BORCS5: variants seen among roughly 807,000 people sequenced by gnomAD.
The protein encoded by BORCS5 is BLOC-1-related complex subunit 5.
A neutral mutation model predicts 22.1 loss-of-function variants in BORCS5; 17 were observed. That is an observed-to-expected ratio of 0.77 (90% CI 0.53 to 1.15). The LOEUF (loss-of-function observed/expected upper bound fraction) is 1.15, where lower values mean the gene tolerates loss of function less well. BORCS5 is among the 50% of genes most tolerant of loss of function. The pLI is 0.00. For missense variants in BORCS5, 247 were observed against 253.2 expected (o/e 0.98, Z 0.17); for synonymous variants, 117 against 99.8 (o/e 1.17, Z -1.03).
intron 3 of BORCS5, among the ~76,000 whole-genome samples, chr12:12,453,041 G>A (rs1192383648): frequency 6.6e-6 from 1 of 152,204 alleles, no homozygotes; most frequent in Non-Finnish European, 1.5e-5. Context: ...AATCGGGATA[G>A]CCGATGTATA....
rs1272389654 is a variant in BORCS5, at chr12:12,382,691, CCTGT to C, written c.202+21345_202+21348del. ...GGGATTACAGGCGCGTGCCAGCATG[CCTGT>C]CTAATTTTTGTATTTTTAGTAGAGA... On this transcript the variant is annotated intron_variant, in intron 2 of 3. Transcript: ENST00000314565. Among the ~76,000 whole-genome samples, 8 of 151,120 alleles carry C rather than the reference CCTGT, an allele frequency of 5.3e-5. No individual in the cohort carries two copies. The South Asian group carries it at 6.3e-4, about 12-fold the overall frequency.
intron 2 of BORCS5, among the ~76,000 whole-genome samples, chr12:12,417,537 A>G (rs1256284586): frequency 2.0e-5 from 3 of 152,122 alleles, no homozygotes; most frequent in African/African-American, 4.8e-5. Flanking sequence ...GGTTCTAGTC[A>G]TTATTGTGAG....
At chr12:12,443,121 C>G (rs1942717864) in intron 3 of BORCS5, among the ~76,000 whole-genome samples, 1 of 152,208 alleles carries the variant, frequency 6.6e-6, no homozygotes, top group African/African-American at 2.4e-5. Flanking sequence ...TGCTATCGCC[C>G]TGACACTGTG....
chr12:12,454,108 C>CT (rs1268803345), intron 3 of BORCS5, among the ~76,000 whole-genome samples: 13 of 152,184 alleles, frequency 8.5e-5, no homozygotes, highest in Non-Finnish European at 1.0e-4. Flanking sequence ...GTTGTGTCTA[C>CT]TTTTTGCCTA....
intron 2 of BORCS5, among the ~76,000 whole-genome samples, chr12:12,380,215 GT>G (rs1196861627): frequency 6.6e-6 from 1 of 151,188 alleles, no homozygotes; most frequent in African/African-American, 2.4e-5. Flanking sequence ...AATAATGGAA[GT>G]TTGAAATATT....
At position 12,382,118 on chromosome 12, in the gene BORCS5, C is replaced by T. The variant is rs150705801; in HGVS notation, c.202+20769C>T. On this transcript the variant is annotated intron_variant, in intron 2 of 3. Transcript: ENST00000314565. ...CTTTGAGTTGCTATAAAGGAATACC[C>T]GAGGCTGGGTAATTTATAAAGAAGA... Among the ~76,000 whole-genome samples the T allele has an allele frequency of 1.3e-4, 20 of 151,308 alleles. 1 individual carries two copies. The highest frequency in any genetic ancestry group is 4.6e-4 in the African/African-American group (19 of 41,216).
intron 2 of BORCS5, among the ~76,000 whole-genome samples, chr12:12,419,865 A>G (rs1307942049): frequency 1.3e-5 from 2 of 152,064 alleles, no homozygotes; most frequent in African/African-American, 2.4e-5. Context: ...GTCTGTTCAT[A>G]TCTTTTGCCC....
chr12:12,416,692 C>T (rs1218198862), intron 2 of BORCS5, among the ~76,000 whole-genome samples: 1 of 151,764 alleles, frequency 6.6e-6, no homozygotes, highest in Non-Finnish European at 1.5e-5. Context: ...AACTCCTGGG[C>T]TCAAGCGATC....
At chr12:12,400,621 A>G (rs1345840684) in intron 2 of BORCS5, among the ~76,000 whole-genome samples, 2 of 150,712 alleles carry the variant, frequency 1.3e-5, no homozygotes, top group Non-Finnish European at 2.9e-5. Flanking sequence ...ACACCTGTGT[A>G]TTCATCAAAT....
In BORCS5 at chr12:12,465,638, G is replaced by A. The variant is rs141454435; in HGVS notation, c.453G>A (p.Glu151=). Residue 151 remains glutamate, a synonymous_variant, in exon 4 of 4, where the codon GAG becomes GAA. Transcript: ENST00000314565. ...CCGAGCAGATCCAGAAAGTGAACGA[G>A]ATGTCCGCCATCCTCCGCCGCATAC... ...KYAEQIQKVN[E]MSAILRRIQM... is the part of the protein sequence containing the mutation. 5.0e-5 allele frequency: 81 copies of A among 1,614,272 alleles called. No homozygotes were observed. The African/African-American group carries it at 1.0e-3, about 20-fold the overall frequency.
At chr12:12,457,430 G>A (rs1455709203) in intron 3 of BORCS5, among the ~76,000 whole-genome samples, 1 of 152,258 alleles carries the variant, frequency 6.6e-6, no homozygotes, top group African/African-American at 2.4e-5. Flanking sequence ...AGCACTTTGG[G>A]AGGCCGAGGC....
Position 12,465,975 on chromosome 12 carries a change from A to G in BORCS5, c.*199A>G. 1 of 561,224 alleles carries G rather than the reference A, an allele frequency of 1.8e-6. No individual in the cohort carries two copies. Among genetic ancestry groups the G allele is most frequent in the Non-Finnish European group, 3.2e-6 (1 of 316,334 alleles). The allele number at this position is 561,224 out of a possible 1,614,324, so 34.8% of individuals were successfully genotyped here. ...GATGCAGTTTCCCGGTGTGGAAGGA[A>G]CCTAACCAGTTCTCGGTGATAACTG... On this transcript the variant is annotated 3_prime_UTR_variant, in exon 4 of 4. Coordinates refer to ENST00000314565, the MANE Select transcript of BORCS5 (RefSeq NM_058169.6).
rs1025750389 is a variant in BORCS5, at chr12:12,467,236, C to T, written c.*1460C>T. On this transcript the variant is annotated 3_prime_UTR_variant, in exon 4 of 4. Coordinates refer to ENST00000314565, the MANE Select transcript of BORCS5 (RefSeq NM_058169.6). ...TGTCTTTCTTCTGGAGTATACAGAACCTGGTTCTGAACACAGGGATATGTT... is the reference window on the plus strand; with the variant it reads ...TGTCTTTCTTCTGGAGTATACAGAATCTGGTTCTGAACACAGGGATATGTT... 1.5e-4 allele frequency: 23 copies of T among 152,170 alleles called. No individual in the cohort carries two copies. Among genetic ancestry groups the T allele is most frequent in the African/African-American group, 5.6e-4 (23 of 41,428 alleles). 9.4% of individuals were successfully genotyped at this position (152,170 alleles called of 1,614,324 possible). A position where few individuals can be genotyped will look rare whatever the true frequency, so the allele number is the denominator to read the frequency against.
rs140902953 is a variant in BORCS5 at position 12,429,312 on chromosome 12, AG to A, written c.203-6313del. ...GAGGGAGATGGTTTCCTGGCACAAG[AG>A]GGTGATGGGAAAACATTGTGTTCAA... On this transcript the variant is annotated intron_variant, in intron 2 of 3. Coordinates refer to ENST00000314565, the MANE Select transcript of BORCS5 (RefSeq NM_058169.6). Among the ~76,000 whole-genome samples, 174 of 152,296 alleles carry A rather than the reference AG, an allele frequency of 1.1e-3. 1 individual carries two copies. Among genetic ancestry groups the A allele is most frequent in the East Asian group, 5.2e-3 (27 of 5,172 alleles).
chr12:12,439,340 T>A (rs988360878), intron 3 of BORCS5, among the ~76,000 whole-genome samples: 5 of 152,120 alleles, frequency 3.3e-5, no homozygotes, highest in Admixed American at 3.3e-4. Flanking sequence ...AAAAATAAAC[T>A]GACTTTGGCG....
chr12:12,416,406 A>G (rs1017304445), intron 2 of BORCS5, among the ~76,000 whole-genome samples: 6 of 151,576 alleles, frequency 4.0e-5, no homozygotes, highest in Non-Finnish European at 8.8e-5. Flanking sequence ...TAAGTTGTAA[A>G]GTTAGATTGC....
intron 2 of BORCS5, among the ~76,000 whole-genome samples, chr12:12,397,918 A>G (rs1422037156): frequency 6.6e-6 from 1 of 152,156 alleles, no homozygotes; most frequent in Non-Finnish European, 1.5e-5. Context: ...CCTTACTATC[A>G]TATAGCTGTT....
intron 2 of BORCS5, among the ~76,000 whole-genome samples, chr12:12,366,102 T>TC (rs1295085916): frequency 6.6e-6 from 1 of 152,106 alleles, no homozygotes; most frequent in Non-Finnish European, 1.5e-5. Flanking sequence ...GACTCTTTTT[T>TC]CCCCCTTTCC....
At chr12:12,422,348 T>C (rs1446632267) in intron 2 of BORCS5, among the ~76,000 whole-genome samples, 2 of 151,956 alleles carry the variant, frequency 1.3e-5, no homozygotes, top group Non-Finnish European at 2.9e-5. Context: ...ATGCGGTGGC[T>C]CACGCATGTA....
Sources: gnomAD v4.1 joint callset for allele counts (sites outside exome capture counted in the v4.1 genomes callset) on GRCh38, gnomAD v4.1.1 for gene constraint, MANE v1.5 for transcripts, NCBI Gene and HGNC (gene_info 2026-07-23, HGNC 2026-07-21) for gene names.